PTPRK: variants seen among roughly 807,000 people sequenced by gnomAD.
PTPRK encodes protein tyrosine phosphatase receptor type K.
Under a neutral mutation model 178.0 loss-of-function variants are expected in PTPRK, and 75 were observed. That is an observed-to-expected ratio of 0.42 (90% confidence interval 0.35 to 0.51). The LOEUF (loss-of-function observed/expected upper bound fraction) is 0.51, where lower values mean the gene tolerates loss of function less well. Among genes scored for constraint, PTPRK ranks in the 20% least tolerant of loss-of-function variants. The pLI is 0.02. For synonymous variants in PTPRK, 637 were observed against 620.6 expected (o/e 1.03, Z -0.39); for missense variants, 1,441 against 1,797.8 (o/e 0.80, Z 3.59).
chr6:128,461,480 T>C (rs548755730), intron 1 of PTPRK, among the ~76,000 whole-genome samples: 4 of 152,264 alleles, frequency 2.6e-5, no homozygotes, highest in East Asian at 3.9e-4. Context: ...CACATTGACC[T>C]GTTTTTTTTT....
chr6:128,216,549 A>T (rs925793011), intron 6 of PTPRK, among the ~76,000 whole-genome samples: 1 of 151,936 alleles, frequency 6.6e-6, no homozygotes, highest in Non-Finnish European at 1.5e-5. Flanking sequence ...AAATAAAAAA[A>T]AAAAAAAAAG....
chr6:128,188,159 A>G (rs926249007), intron 6 of PTPRK, among the ~76,000 whole-genome samples: 4 of 152,190 alleles, frequency 2.6e-5, no homozygotes, highest in South Asian at 2.1e-4. Context: ...GATGTTACCA[A>G]TTAACTTCCA....
At chr6:128,134,347 T>C (rs1042446047) in intron 7 of PTPRK, among the ~76,000 whole-genome samples, 3 of 152,200 alleles carry the variant, frequency 2.0e-5, no homozygotes, top group Non-Finnish European at 4.4e-5. Context: ...TTAAACATCT[T>C]GTTCTACTCT....
At chr6:128,165,716 T>A (rs1799304623) in intron 7 of PTPRK, among the ~76,000 whole-genome samples, 1 of 151,352 alleles carries the variant, frequency 6.6e-6, no homozygotes, top group Non-Finnish European at 1.5e-5. Context: ...TTCAAATATG[T>A]CTCTGCCTGA....
chr6:127,975,797 C>T (rs1583469688), intron 27 of PTPRK, among the ~76,000 whole-genome samples: 1 of 152,022 alleles, frequency 6.6e-6, no homozygotes, highest in African/African-American at 2.4e-5. Flanking sequence ...TCAGCCTCCC[C>T]ACTAGCTGGG....
chr6:128,097,301 A>G (rs1562577975), intron 7 of PTPRK, among the ~76,000 whole-genome samples: 1 of 152,164 alleles, frequency 6.6e-6, no homozygotes, highest in Non-Finnish European at 1.5e-5. Context: ...AGTAATATTT[A>G]CCCAGTGCCA....
At chr6:128,025,870 A>G (rs576942401) in intron 13 of PTPRK, among the ~76,000 whole-genome samples, 1 of 152,324 alleles carries the variant, frequency 6.6e-6, no homozygotes, top group African/African-American at 2.4e-5. Context: ...TAGGGCCCAC[A>G]CTGTTAATCC....
At chr6:128,180,525 C>T (rs1801743872) in intron 7 of PTPRK, among the ~76,000 whole-genome samples, 1 of 151,944 alleles carries the variant, frequency 6.6e-6, no homozygotes, top group Non-Finnish European at 1.5e-5. Context: ...CTGTAATTAC[C>T]ACCTCTCCTA....
At chr6:128,373,390 C>T (rs770987961) in intron 2 of PTPRK, among the ~76,000 whole-genome samples, 1 of 152,154 alleles carries the variant, frequency 6.6e-6, no homozygotes, top group East Asian at 1.9e-4. Flanking sequence ...ACACACAATG[C>T]CTTGGCTTCC....
intron 3 of PTPRK, among the ~76,000 whole-genome samples, chr6:128,251,597 G>C (rs1475344416): frequency 3.9e-5 from 6 of 152,084 alleles, no homozygotes; most frequent in African/African-American, 9.7e-5. Context: ...AATACACACA[G>C]GCCTTTTGCA....
intron 27 of PTPRK, 137 bp from the exon 28 acceptor site, chr6:127,973,964 A>G (rs930259984): frequency 4.0e-6 from 3 of 756,680 alleles, no homozygotes; most frequent in Admixed American, 6.8e-5. Flanking sequence ...CAATATGTAC[A>G]TGCTAGTAAA....
intron 7 of PTPRK, among the ~76,000 whole-genome samples, chr6:128,127,551 G>A (rs942586666): frequency 1.3e-5 from 2 of 152,142 alleles, no homozygotes; most frequent in Non-Finnish European, 2.9e-5. Context: ...GCGATGCAAT[G>A]TCTTGTCCTG....
intron 13 of PTPRK, among the ~76,000 whole-genome samples, chr6:128,047,925 T>G (rs189996777): frequency 6.6e-6 from 1 of 152,168 alleles, no homozygotes; most frequent in Admixed American, 6.5e-5. Flanking sequence ...GGGCTCTGAG[T>G]TGGCTAATTT....
intron 5 of PTPRK, among the ~76,000 whole-genome samples, chr6:128,237,576 T>C (rs962812267): frequency 1.3e-5 from 2 of 152,148 alleles, no homozygotes; most frequent in African/African-American, 2.4e-5. Context: ...CTGGAAGGGA[T>C]TTTAGTGTCT....
intron 2 of PTPRK, among the ~76,000 whole-genome samples, chr6:128,325,971 A>C (rs909306989): frequency 6.6e-6 from 1 of 152,220 alleles, no homozygotes; most frequent in Non-Finnish European, 1.5e-5. Context: ...CATAAACACC[A>C]TGGAATACTG....
At position 128,083,823 on chromosome 6, in the gene PTPRK, C is replaced by T. The variant is rs1785256397; in HGVS notation, c.1467G>A (p.Val489=). 6.6e-7 allele frequency: 1 copy of T among 1,520,442 alleles called. No homozygotes were observed. The highest frequency in any genetic ancestry group is 1.3e-5 in the South Asian group (1 of 76,884). 94.2% of individuals were successfully genotyped at this position (1,520,442 alleles called of 1,614,324 possible). ...EETIIQTDED[V]PGPVPVKSLQ... ...GAGATTTTACTGGTACGGGACCAGG[C>T]ACTACAAAACACATGAATTTTTTGT... Residue 489 remains valine, a splice_region_variant and synonymous_variant, in exon 9 of 30, where the codon GTG becomes GTA. Coordinates refer to ENST00000368226, the MANE Select transcript of PTPRK (RefSeq NM_002844.4).
intron 6 of PTPRK, among the ~76,000 whole-genome samples, chr6:128,186,127 T>C (rs1802726495): frequency 1.3e-5 from 2 of 152,124 alleles, no homozygotes; most frequent in East Asian, 1.9e-4. Flanking sequence ...TAGCTATTAA[T>C]TGTTAGGCTG....
At chr6:128,242,442 TAAAC>T in intron 4 of PTPRK, 75 bp downstream of exon 4, 1 of 1,543,322 alleles carries the variant, frequency 6.5e-7, no homozygotes, top group Non-Finnish European at 8.7e-7. Flanking sequence ...AACCAAGTGA[TAAAC>T]AATCAATAGT....
rs182058761 is a variant in PTPRK at position 128,234,098 on chromosome 6, C to T, written c.693+5937G>A. Among the ~76,000 whole-genome samples the T allele has an allele frequency of 9.8e-5, 15 of 152,302 alleles. 1 individual carries two copies. Among genetic ancestry groups the T allele is most frequent in the South Asian group, 2.1e-4 (1 of 4,830 alleles). On this transcript the variant is annotated intron_variant, in intron 5 of 29. Coordinates refer to ENST00000368226, the MANE Select transcript of PTPRK (RefSeq NM_002844.4). Reference sequence around the variant, plus strand: ...ATAACTTTCAGTCCAACCCCAGTTACAACCCTTTCATATCCTCAAGTTATA... The same window carrying T: ...ATAACTTTCAGTCCAACCCCAGTTATAACCCTTTCATATCCTCAAGTTATA...
Sources: gnomAD v4.1 joint callset for allele counts (sites outside exome capture counted in the v4.1 genomes callset) on GRCh38, gnomAD v4.1.1 for gene constraint, MANE v1.5 for transcripts, NCBI Gene and HGNC (gene_info 2026-07-23, HGNC 2026-07-21) for gene names.